ARL15: variants seen among roughly 807,000 people sequenced by gnomAD.
ARL15 encodes the protein ADP-ribosylation factor-like protein 15.
A neutral mutation model predicts 25.2 loss-of-function variants in ARL15; 19 were observed. The observed-to-expected ratio is 0.75, with a 90% CI of 0.53 to 1.10. ARL15 has a LOEUF of 1.10. Among genes scored for constraint, ARL15 ranks in the 50% least tolerant of loss-of-function variants. The probability of loss-of-function intolerance (pLI) is 0.00; values close to 1 mark genes in which losing one functional copy is unlikely to be tolerated. For synonymous variants in ARL15, 94 were observed against 86.8 expected (o/e 1.08, Z -0.46); for missense variants, 220 against 246.0 (o/e 0.89, Z 0.71).
At chr5:54,171,657 T>C in intron 2 of ARL15, 127 bp downstream of exon 2, 2 of 1,174,010 alleles carry the variant, frequency 1.7e-6, no homozygotes, top group African/African-American at 1.6e-5. Flanking sequence ...AGAGATAGTG[T>C]TTAAAATTAA....
chr5:54,046,488 A>G (rs1177162570), intron 4 of ARL15, among the ~76,000 whole-genome samples: 1 of 152,246 alleles, frequency 6.6e-6, no homozygotes, highest in African/African-American at 2.4e-5. Flanking sequence ...CTCAAAATAC[A>G]TAAGCAGAGA....
At chr5:53,968,440 T>G (rs1229105605) in intron 4 of ARL15, among the ~76,000 whole-genome samples, 1 of 152,188 alleles carries the variant, frequency 6.6e-6, no homozygotes, top group Admixed American at 6.5e-5. Context: ...TCACTGAGAC[T>G]GGGTTCATGA....
intron 4 of ARL15, among the ~76,000 whole-genome samples, chr5:54,083,339 T>C (rs952604719): frequency 6.6e-6 from 1 of 152,242 alleles, no homozygotes; most frequent in Non-Finnish European, 1.5e-5. Context: ...GAACTTCTAA[T>C]GCAACTGAAA....
chr5:54,022,799 A>G (rs896461389), intron 4 of ARL15, among the ~76,000 whole-genome samples: 12 of 152,188 alleles, frequency 7.9e-5, no homozygotes, highest in Non-Finnish European at 1.6e-4. Context: ...TATATTGTCA[A>G]CTTTATTCCA....
chr5:53,919,409 C>T (rs988001267), intron 4 of ARL15, among the ~76,000 whole-genome samples: 2 of 152,178 alleles, frequency 1.3e-5, no homozygotes, highest in Admixed American at 6.5e-5. Context: ...ATTATCTGTG[C>T]TCCTGCCAAG....
At chr5:53,910,297 T>C (rs1346022889) in intron 4 of ARL15, among the ~76,000 whole-genome samples, 1 of 152,188 alleles carries the variant, frequency 6.6e-6, no homozygotes, top group African/African-American at 2.4e-5. Context: ...CATCTTCCTC[T>C]ACAGGATGTC....
intron 4 of ARL15, among the ~76,000 whole-genome samples, chr5:53,934,632 G>A (rs935227891): frequency 2.0e-5 from 3 of 152,102 alleles, no homozygotes; most frequent in Non-Finnish European, 4.4e-5. Flanking sequence ...TCTATTAATA[G>A]AATAATGCGG....
rs549108641 is a variant in ARL15, at chr5:53,964,205, A to C, written c.463-77492T>G. On this transcript the variant is annotated intron_variant, in intron 4 of 4. Coordinates refer to ENST00000504924, the MANE Select transcript of ARL15 (RefSeq NM_019087.3). ...TTGTCATCCCTTTTACAGAATATTC[A>C]CTTTACAGGAAGGTCCCACTAAAAT... is the stretch of plus-strand genomic sequence containing the variant. 2.9e-4 allele frequency among the ~76,000 whole-genome samples: 44 copies of C among 152,272 alleles called. 2 individuals carry two copies. In the South Asian group the frequency reaches 8.9e-3, roughly 31 times the overall value.
intron 4 of ARL15, among the ~76,000 whole-genome samples, chr5:53,989,232 AAAT>A (rs1413571503): frequency 6.6e-6 from 1 of 152,204 alleles, no homozygotes; most frequent in African/African-American, 2.4e-5. Context: ...GAAGGATAAA[AAAT>A]AACATTTCTA....
chr5:54,243,438 G>C (rs911051050), intron 1 of ARL15, among the ~76,000 whole-genome samples: 1 of 152,214 alleles, frequency 6.6e-6, no homozygotes, highest in African/African-American at 2.4e-5. Context: ...ATCCTTGCTA[G>C]TCTAGGCACC....
chr5:54,004,423 G>GCTC (rs897597239), intron 4 of ARL15, among the ~76,000 whole-genome samples: 4 of 151,740 alleles, frequency 2.6e-5, no homozygotes, highest in African/African-American at 9.7e-5. Flanking sequence ...AACCCGGGAG[G>GCTC]TGGAGGTTGC....
At chr5:54,036,824 T>G (rs1376491039) in intron 4 of ARL15, among the ~76,000 whole-genome samples, 2 of 152,188 alleles carry the variant, frequency 1.3e-5, no homozygotes, top group Non-Finnish European at 2.9e-5. Context: ...TTTCCTATAC[T>G]GGATTATATT....
intron 4 of ARL15, among the ~76,000 whole-genome samples, chr5:53,948,000 GA>G (rs1256070290): frequency 6.6e-6 from 1 of 151,698 alleles, no homozygotes; most frequent in Non-Finnish European, 1.5e-5. Context: ...GACACCAGTG[GA>G]AAAAAATGAG....
intron 1 of ARL15, among the ~76,000 whole-genome samples, chr5:54,302,024 C>A (rs1293088597): frequency 6.6e-6 from 1 of 152,194 alleles, no homozygotes; most frequent in East Asian, 1.9e-4. Flanking sequence ...TTTATGCACA[C>A]TGAAGGAGAG....
intron 1 of ARL15, among the ~76,000 whole-genome samples, chr5:54,198,553 C>T (rs1207561587): frequency 1.4e-5 from 2 of 146,176 alleles, no homozygotes; most frequent in Non-Finnish European, 3.0e-5. Flanking sequence ...ACAATTGCTT[C>T]AAAGAGAATA....
chr5:54,284,548 T>G (rs551438696), intron 1 of ARL15, among the ~76,000 whole-genome samples: 2 of 152,394 alleles, frequency 1.3e-5, no homozygotes, highest in African/African-American at 2.4e-5. Context: ...GAATTAACTC[T>G]TTTTATGAGC....
chr5:54,082,919 CATTTT>C (rs1751849626), intron 4 of ARL15, among the ~76,000 whole-genome samples: 1 of 152,120 alleles, frequency 6.6e-6, no homozygotes, highest in South Asian at 2.1e-4. Flanking sequence ...CTAATTTTAT[CATTTT>C]ATTTCTGACT....
chr5:54,297,753 C>T (rs1758503784), intron 1 of ARL15, among the ~76,000 whole-genome samples: 1 of 152,160 alleles, frequency 6.6e-6, no homozygotes, highest in African/African-American at 2.4e-5. Context: ...TATGGTTCAG[C>T]CTCATCAAGA....
intron 4 of ARL15, among the ~76,000 whole-genome samples, chr5:54,076,483 G>T (rs1377274825): frequency 6.6e-6 from 1 of 151,680 alleles, no homozygotes; most frequent in African/African-American, 2.4e-5. Context: ...GTAATTTGAT[G>T]AAAAATTATG....
Sources: gnomAD v4.1 joint callset for allele counts (sites outside exome capture counted in the v4.1 genomes callset) on GRCh38, gnomAD v4.1.1 for gene constraint, MANE v1.5 for transcripts, NCBI Gene and HGNC (gene_info 2026-07-23, HGNC 2026-07-21) for gene names.